Variants in KLHL13 observed in about 807,000 individuals in gnomAD.
KLHL13 encodes the protein kelch-like protein 13.
KLHL13 carries 10 observed loss-of-function variants against 37.1 expected under a neutral mutation model. The observed-to-expected ratio is 0.27, with a 90% confidence interval of 0.17 to 0.46. The LOEUF is 0.46. KLHL13 is among the 20% of genes least tolerant of loss of function. The pLI is 1.00. For missense variants in KLHL13, 360 were observed against 509.3 expected (o/e 0.71, Z 2.82); for synonymous variants, 163 against 181.2 (o/e 0.90, Z 0.81).
At chrX:118,033,591 C>A (rs2054390630) in intron 1 of KLHL13, among the ~76,000 whole-genome samples, 1 of 110,100 alleles carries the variant, frequency 9.1e-6, no homozygotes, top group Non-Finnish European at 1.9e-5. Flanking sequence ...CTGAAGGAAG[C>A]ACTAAACATG....
chrX:117,908,587 T>C (rs1217019774), intron 5 of KLHL13, among the ~76,000 whole-genome samples: 1 of 111,838 alleles, frequency 8.9e-6, no homozygotes, highest in Non-Finnish European at 1.9e-5. Flanking sequence ...TTATCTGAAA[T>C]AATAAAATTT....
chrX:117,927,191 C>T (rs1020281587), intron 2 of KLHL13, among the ~76,000 whole-genome samples: 2 of 110,771 alleles, frequency 1.8e-5, no homozygotes, highest in Non-Finnish European at 3.8e-5. Flanking sequence ...TGAGCTACCG[C>T]GCCCGGCCAC....
upstream of KLHL13, chrX:117,973,839 C>G: frequency 2.0e-6 from 1 of 502,484 alleles, no homozygotes; most frequent in Non-Finnish European, 2.4e-6. Context: ...CTCCTCCCCT[C>G]CCTCCCCCGC....
chrX:117,937,768 C>T (rs1932829197), intron 2 of KLHL13, among the ~76,000 whole-genome samples: 1 of 111,456 alleles, frequency 9.0e-6, no homozygotes, highest in African/African-American at 3.3e-5. Context: ...ATACAATTTA[C>T]CCATTTAAAG....
intron 1 of KLHL13, among the ~76,000 whole-genome samples, chrX:118,070,236 T>A (rs1202893153): frequency 1.8e-5 from 2 of 112,204 alleles, no homozygotes; most frequent in Admixed American, 1.9e-4. Flanking sequence ...GAAGGCTGTG[T>A]AAGCATTTAA....
chrX:118,056,137 G>A (rs2054682965), intron 1 of KLHL13, among the ~76,000 whole-genome samples: 1 of 111,476 alleles, frequency 9.0e-6, no homozygotes, highest in Non-Finnish European at 1.9e-5. Context: ...CAGGATACAA[G>A]ATCAATATAC....
chrX:117,990,284 G>T (rs1432986129), intron 1 of KLHL13, among the ~76,000 whole-genome samples: 1 of 111,286 alleles, frequency 9.0e-6, no homozygotes, highest in African/African-American at 3.3e-5. Context: ...GAGGATGGGG[G>T]TGTGAATGGA....
intron 1 of KLHL13, among the ~76,000 whole-genome samples, chrX:118,033,066 A>C (rs1046039974): frequency 1.8e-5 from 2 of 111,077 alleles, no homozygotes; most frequent in African/African-American, 6.6e-5. Flanking sequence ...AAATGAGCAA[A>C]GCCTCCAAGA....
At chrX:118,051,351 T>C (rs1237172751) in intron 1 of KLHL13, among the ~76,000 whole-genome samples, 1 of 109,783 alleles carries the variant, frequency 9.1e-6, no homozygotes, top group Non-Finnish European at 1.9e-5. Context: ...CCATCCTGGC[T>C]AACCTGGTGA....
chrX:118,073,768 C>A (rs774462493), intron 1 of KLHL13, among the ~76,000 whole-genome samples: 14 of 111,689 alleles, frequency 1.3e-4, no homozygotes, highest in Non-Finnish European at 1.9e-4. Context: ...ACTTTTGTAA[C>A]TTTTACTCAC....
intron 1 of KLHL13, among the ~76,000 whole-genome samples, chrX:117,949,266 C>A (rs998426300): frequency 1.1e-4 from 12 of 111,998 alleles, no homozygotes; most frequent in African/African-American, 3.6e-4. Flanking sequence ...TAGAATTGTT[C>A]ATCCAAATGG....
intron 2 of KLHL13, among the ~76,000 whole-genome samples, chrX:117,933,546 GA>G (rs1219056253): frequency 9.0e-6 from 1 of 111,316 alleles, no homozygotes; most frequent in African/African-American, 3.3e-5. Context: ...CCAAAACTTT[GA>G]AACTACTAGA....
intron 1 of KLHL13, among the ~76,000 whole-genome samples, chrX:118,037,569 G>A (rs1433228245): frequency 9.8e-5 from 10 of 101,821 alleles, no homozygotes; most frequent in Middle Eastern, 4.8e-3. Context: ...ACAGGAAGGG[G>A]AACATCACAC....
intron 1 of KLHL13, among the ~76,000 whole-genome samples, chrX:117,979,496 T>C (rs149516862): frequency 0.063 from 7,029 of 111,213 alleles, 543 homozygotes; most frequent in African/African-American, 0.22. Context: ...CTTCCTAATC[T>C]AGCACCATTC....
chrX:117,994,498 A>G (rs183998224), intron 1 of KLHL13, among the ~76,000 whole-genome samples: 1 of 109,277 alleles, frequency 9.2e-6, no homozygotes, highest in African/African-American at 3.3e-5. Flanking sequence ...GCAATCCTCC[A>G]TCCTCGGTTT....
At chrX:118,081,060 T>C in intron 1 of KLHL13, among the ~76,000 whole-genome samples, 1 of 111,344 alleles carries the variant, frequency 9.0e-6, no homozygotes, top group Non-Finnish European at 1.9e-5. Flanking sequence ...AGCTAAACAT[T>C]GAGCACATAT....
At chrX:118,065,643 A>G (rs2054786493) in intron 1 of KLHL13, among the ~76,000 whole-genome samples, 1 of 111,701 alleles carries the variant, frequency 9.0e-6, no homozygotes, top group African/African-American at 3.3e-5. Flanking sequence ...AACAGAGCCA[A>G]CGTAGCCTGG....
At chrX:118,069,893 C>A (rs1182943378) in intron 1 of KLHL13, among the ~76,000 whole-genome samples, 1 of 112,378 alleles carries the variant, frequency 8.9e-6, no homozygotes, top group Non-Finnish European at 1.9e-5. Flanking sequence ...ACACCCATAA[C>A]AACTTTCAGT....
At chrX:117,945,383 G>A (rs368062193) in intron 2 of KLHL13, 51 bp downstream of exon 3, 11 of 1,144,353 alleles carry the variant, frequency 9.6e-6, no homozygotes, top group Non-Finnish European at 1.3e-5. Context: ...AAAATCCATG[G>A]TGGGTTTTTT....
Sources: allele counts gnomAD v4.1 joint callset (sites outside exome capture counted in the v4.1 genomes callset), GRCh38; gene constraint gnomAD v4.1.1; transcripts MANE v1.5; gene names NCBI Gene and HGNC (gene_info 2026-07-23, HGNC 2026-07-21).